Variants in SMYD3 observed in about 807,000 individuals in gnomAD.
SMYD3 encodes the protein histone-lysine N-methyltransferase SMYD3.
Under a neutral mutation model 57.7 loss-of-function variants are expected in SMYD3, and 36 were observed. That is an observed-to-expected ratio of 0.62 (90% CI 0.48 to 0.82). The LOEUF (loss-of-function observed/expected upper bound fraction) is 0.82. Ranked by LOEUF, SMYD3 falls within the 40% of genes least tolerant of loss-of-function variation. SMYD3 has a pLI of 0.00. For synonymous variants in SMYD3, 211 were observed against 195.0 expected, an observed-to-expected ratio of 1.08 and a Z score of -0.68; for missense variants, 515 against 538.8, an observed-to-expected ratio of 0.96 and a Z score of 0.44.
At chr1:245,924,654 G>GGTTTTTTTTTTTT (rs1558499827) in intron 7 of SMYD3, among the ~76,000 whole-genome samples, 1 of 115,128 alleles carries the variant, frequency 8.7e-6, no homozygotes. Flanking sequence ...CTCTATTCCA[G>GGTTTTTTTTTTTT]CTTTTTTTTT....
intron 10 of SMYD3, among the ~76,000 whole-genome samples, chr1:245,839,232 C>T (rs1456914594): frequency 2.0e-5 from 3 of 152,148 alleles, no homozygotes; most frequent in Admixed American, 6.5e-5. Context: ...TGCAGTGGTG[C>T]TATCTCAGCT....
chr1:246,043,484 A>G (rs1427034663), intron 5 of SMYD3, among the ~76,000 whole-genome samples: 1 of 152,234 alleles, frequency 6.6e-6, no homozygotes, highest in Non-Finnish European at 1.5e-5. Context: ...GACTATTTTA[A>G]GATGAGGAAT....
intron 10 of SMYD3, among the ~76,000 whole-genome samples, chr1:245,841,942 T>C (rs80113478): frequency 0.024 from 3,587 of 152,246 alleles, 143 homozygotes; most frequent in African/African-American, 0.078. Context: ...CCTATATAAT[T>C]TTAAATTTTA....
intron 10 of SMYD3, among the ~76,000 whole-genome samples, chr1:245,795,824 C>A (rs979513732): frequency 6.6e-6 from 1 of 152,208 alleles, no homozygotes; most frequent in Non-Finnish European, 1.5e-5. Context: ...AAATACTATT[C>A]TCGGCCTTTT....
intron 5 of SMYD3, among the ~76,000 whole-genome samples, chr1:246,055,078 AGGCAGGAGAATGGAGTGAACCCGGGT>A (rs2060128026): frequency 6.6e-6 from 1 of 151,962 alleles, no homozygotes; most frequent in African/African-American, 2.4e-5. Flanking sequence ...CAGTAGGCTG[AGGCAGGAGAATGGAGTGAACCCGGGT>A]GGCAGAGCTT....
intron 5 of SMYD3, among the ~76,000 whole-genome samples, chr1:246,229,822 A>T (rs1229243370): frequency 6.6e-6 from 1 of 152,210 alleles, no homozygotes; most frequent in Non-Finnish European, 1.5e-5. Flanking sequence ...TTCAACACGC[A>T]TTTTGGAGGG....
chr1:245,856,011 T>C (rs543398914), intron 10 of SMYD3, among the ~76,000 whole-genome samples: 4 of 152,374 alleles, frequency 2.6e-5, no homozygotes, highest in African/African-American at 9.6e-5. Flanking sequence ...CTCCTGCGTC[T>C]GCAGGGAGCC....
intron 5 of SMYD3, among the ~76,000 whole-genome samples, chr1:246,284,431 T>G (rs943048912): frequency 1.3e-5 from 2 of 151,486 alleles, no homozygotes; most frequent in African/African-American, 4.8e-5. Context: ...TTTTTTTTTT[T>G]TTTGAGACGG....
intron 5 of SMYD3, among the ~76,000 whole-genome samples, chr1:246,169,651 G>A (rs1354648192): frequency 2.0e-5 from 3 of 152,114 alleles, no homozygotes; most frequent in Admixed American, 2.0e-4. Flanking sequence ...GCTCGGGCCT[G>A]TAATCCCAGC....
chr1:245,862,977 C>T (rs1206131984), intron 9 of SMYD3, among the ~76,000 whole-genome samples: 2 of 152,202 alleles, frequency 1.3e-5, no homozygotes, highest in Non-Finnish European at 2.9e-5. Context: ...CCCTCTACCT[C>T]CTTCTCTGGC....
chr1:245,829,090 G>A (rs761644832), intron 10 of SMYD3, among the ~76,000 whole-genome samples: 19 of 73,746 alleles, frequency 2.6e-4, no homozygotes, highest in Non-Finnish European at 4.6e-4. Context: ...TTTTTTTTCT[G>A]TACTGCCCTC....
intron 1 of SMYD3, among the ~76,000 whole-genome samples, chr1:246,441,407 C>T (rs1002188722): frequency 6.6e-6 from 1 of 152,114 alleles, no homozygotes; most frequent in African/African-American, 2.4e-5. Context: ...AAAGTACCAC[C>T]ATTCACTATA....
chr1:246,208,452 T>C (rs1264151960), intron 5 of SMYD3, among the ~76,000 whole-genome samples: 2 of 152,134 alleles, frequency 1.3e-5, no homozygotes, highest in African/African-American at 4.8e-5. Flanking sequence ...TTCTAAGGGA[T>C]TAATACACTT....
Position 246,055,215 on chromosome 1 carries a change from T to C in SMYD3, c.532-125278A>G, listed in dbSNP as rs113896822. 5.3e-4 allele frequency among the ~76,000 whole-genome samples: 80 copies of C among 151,320 alleles called. 1 individual carries two copies. The highest frequency in any genetic ancestry group is 1.9e-3 in the African/African-American group (78 of 41,286). On this transcript the variant is annotated intron_variant, in intron 5 of 11. Transcript: ENST00000490107. ...AAAAAAACAAATGTTGGCAAGGATG[T>C]AGAGAAACTGGAAGCCTTGTGCGTT... is the stretch of plus-strand genomic sequence containing the variant.
At chr1:246,326,394 G>T (rs1315023149) in intron 5 of SMYD3, 1 of 660,268 alleles carries the variant, frequency 1.5e-6, no homozygotes, top group South Asian at 1.6e-5. Flanking sequence ...CATGCCTATG[G>T]GCTAGTGAAG....
At chr1:246,383,336 G>A (rs1270778106) in intron 1 of SMYD3, among the ~76,000 whole-genome samples, 7 of 152,124 alleles carry the variant, frequency 4.6e-5, no homozygotes, top group Non-Finnish European at 1.0e-4. Context: ...TTCTGAGAAC[G>A]TTCTCCTCCC....
intron 1 of SMYD3, among the ~76,000 whole-genome samples, chr1:246,437,599 T>G (rs1025964163): frequency 2.0e-5 from 3 of 152,248 alleles, no homozygotes; most frequent in Admixed American, 6.5e-5. Context: ...CCATGCTTTT[T>G]CTGTACACAA....
chr1:245,916,388 G>A (rs1014964240), intron 7 of SMYD3, among the ~76,000 whole-genome samples: 7 of 152,140 alleles, frequency 4.6e-5, no homozygotes, highest in African/African-American at 1.7e-4. Context: ...CATAATGCTT[G>A]AGCATTTTGC....
intron 5 of SMYD3, among the ~76,000 whole-genome samples, chr1:245,985,027 C>G (rs2058674886): frequency 6.6e-6 from 1 of 152,116 alleles, no homozygotes; most frequent in South Asian, 2.1e-4. Context: ...CTGTTTGACT[C>G]TCTGCCTTAC....
Sources: allele counts gnomAD v4.1 joint callset (sites outside exome capture counted in the v4.1 genomes callset), GRCh38; gene constraint gnomAD v4.1.1; transcripts MANE v1.5; gene names NCBI Gene and HGNC (gene_info 2026-07-23, HGNC 2026-07-21).